Variants in CACNA1A observed in about 807,000 individuals in gnomAD.
The protein encoded by CACNA1A is voltage-dependent P/Q-type calcium channel subunit alpha-1A.
A neutral mutation model predicts 262.4 loss-of-function variants in CACNA1A; 57 were observed. The observed-to-expected ratio is 0.22, with a 90% CI of 0.18 to 0.27. The LOEUF (loss-of-function observed/expected upper bound fraction) is 0.27, where lower values mean the gene tolerates loss of function less well. Ranked by LOEUF, CACNA1A falls within the 10% of genes least tolerant of loss-of-function variation. The pLI, the probability that CACNA1A is intolerant of heterozygous loss-of-function variation, is 1.00. For synonymous variants in CACNA1A, 1,431 were observed against 1,419.3 expected (o/e 1.01, Z -0.18); for missense variants, 2,526 against 3,562.8 (o/e 0.71, Z 7.41).
At chr19:13,228,013 A>AAGC (rs2055530323) in intron 36 of CACNA1A, among the ~76,000 whole-genome samples, 1 of 148,092 alleles carries the variant, frequency 6.8e-6, no homozygotes, top group South Asian at 2.2e-4. Flanking sequence ...TCCTGGGCTC[A>AAGC]AGCAATCCTT....
chr19:13,234,704 C>A, intron 34 of CACNA1A: 1 of 548,238 alleles, frequency 1.8e-6, no homozygotes, highest in Non-Finnish European at 3.3e-6. Context: ...GAGGGCACGC[C>A]CCCTATCGGA....
intron 3 of CACNA1A, among the ~76,000 whole-genome samples, chr19:13,414,321 C>T (rs1330978425): frequency 6.6e-6 from 1 of 152,120 alleles, no homozygotes; most frequent in African/African-American, 2.4e-5. Context: ...TTGCTTGAGC[C>T]CAAGAAGTCG....
chr19:13,214,679 G>T lies in CACNA1A; in HGVS notation c.5732-71C>A. On this transcript the variant is annotated intron_variant, in intron 38 of 46. Coordinates refer to ENST00000360228, the MANE Select transcript of CACNA1A (RefSeq NM_001127222.2). This position sits in a 1 kb window ranked among gnomAD's most constrained non-coding sequence, Gnocchi z 4.1. The stretch of plus-strand genomic sequence containing the variant: ...AGCTGGACTCTGGGTCAGCTGCAAA[G>T]CCATAGGCTCCCGAGAACGAGACCC... 4 of 1,206,594 alleles carry T rather than the reference G, an allele frequency of 3.3e-6. No individual in the cohort carries two copies. The highest frequency in any genetic ancestry group is 1.5e-5 in the African/African-American group (1 of 66,718). The allele number at this position is 1,206,594 out of a possible 1,614,324, so 74.7% of individuals were successfully genotyped here.
chr19:13,502,425 T>C (rs964925494), intron 1 of CACNA1A, among the ~76,000 whole-genome samples: 1 of 152,174 alleles, frequency 6.6e-6, no homozygotes, highest in African/African-American at 2.4e-5. Context: ...AAAGATGACA[T>C]TCACCTTGGC....
intron 36 of CACNA1A, among the ~76,000 whole-genome samples, chr19:13,228,384 G>A (rs1326847791): frequency 6.6e-6 from 1 of 151,848 alleles, no homozygotes; most frequent in Non-Finnish European, 1.5e-5. Flanking sequence ...GAAATGCAAA[G>A]TTACAATCCC....
In CACNA1A at chr19:13,441,333, G is replaced by T. The variant is rs2144879773; in HGVS notation, c.539+11543C>A. ...TGCCTGCACAAGAAGCAGCTGGGTT[G>T]CAAAGCAATGTTTAAAAAAAATTAT... On this transcript the variant is annotated intron_variant, in intron 3 of 46. Transcript: ENST00000360228. Among the ~76,000 whole-genome samples the T allele has an allele frequency of 1.3e-5, 2 of 151,102 alleles. 1 individual carries two copies. The highest frequency in any genetic ancestry group is 1.3e-4 in the Admixed American group (2 of 15,178).
At chr19:13,295,173 G>A (rs898765578) in intron 19 of CACNA1A, among the ~76,000 whole-genome samples, 8 of 152,184 alleles carry the variant, frequency 5.3e-5, no homozygotes, top group Non-Finnish European at 1.2e-4. Context: ...TAGGCACTTA[G>A]TAAATACTAA....
At chr19:13,301,171 G>T (rs951382962) in intron 17 of CACNA1A, among the ~76,000 whole-genome samples, 4 of 151,260 alleles carry the variant, frequency 2.6e-5, no homozygotes, top group Non-Finnish European at 5.9e-5. Flanking sequence ...GCCCAGGCTG[G>T]TCTTGAACTT....
chr19:13,424,115 G>A (rs7256369), intron 3 of CACNA1A, among the ~76,000 whole-genome samples: 2,117 of 152,224 alleles, frequency 0.014, 49 homozygotes, highest in African/African-American at 0.049. Flanking sequence ...TTGGGAGGCC[G>A]AGGCTGGCAG....
chr19:13,346,743 G>A (rs1300207495), intron 6 of CACNA1A, among the ~76,000 whole-genome samples: 1 of 125,742 alleles, frequency 8.0e-6, no homozygotes, highest in Non-Finnish European at 1.6e-5. Flanking sequence ...GCAGTGGCAC[G>A]ATCTCGGCTA....
At chr19:13,294,154 G>T (rs1371120279) in intron 19 of CACNA1A, among the ~76,000 whole-genome samples, 1 of 144,698 alleles carries the variant, frequency 6.9e-6, no homozygotes, top group African/African-American at 2.6e-5. Flanking sequence ...TCTCTAAAAT[G>T]AGCAATGCTA....
intron 46 of CACNA1A, 79 bp downstream of exon 46, chr19:13,208,677 C>T: frequency 6.9e-7 from 1 of 1,447,914 alleles, no homozygotes; most frequent in South Asian, 1.4e-5. Flanking sequence ...CCTAGAGTGG[C>T]TGTTGGATGG....
At chr19:13,450,161 A>AAG (rs1568657145) in intron 3 of CACNA1A, among the ~76,000 whole-genome samples, 24 of 151,266 alleles carry the variant, frequency 1.6e-4, no homozygotes, top group African/African-American at 5.9e-4. Flanking sequence ...AAAAAAAAAA[A>AAG]AGAGAAAGGT....
At position 13,285,143 on chromosome 19, in the gene CACNA1A, T is replaced by A; in HGVS notation, c.3617A>T (p.Glu1206Val). ...KKEEEKKEEE[E>V]DDRGEDGPKP... The stretch of plus-strand genomic sequence containing the variant: ...AGGGCCGTCTTCCCCACGGTCGTCT[T>A]CCTCCTCCTCCTTCTTCTCTTCCTC... The change falls in exon 21 of 47, where the codon GAA becomes GTA. Residue 1206 changes from glutamate to valine, a missense_variant. By Grantham distance (121) the Glu-to-Val change is moderately radical. Around this residue, in one of 17 missense-constraint regions of CACNA1A, gnomAD observed 765 missense variants for 748.6 expected, o/e 1.02. Transcript: ENST00000360228. 6.2e-7 allele frequency: 1 copy of A among 1,613,786 alleles called. No homozygotes were observed. Among genetic ancestry groups the A allele is most frequent in the Non-Finnish European group, 8.5e-7 (1 of 1,179,758 alleles).
chr19:13,479,842 T>C (rs1443248132), intron 1 of CACNA1A, among the ~76,000 whole-genome samples: 2 of 152,162 alleles, frequency 1.3e-5, no homozygotes, highest in East Asian at 1.9e-4. Context: ...ACAGAAAAAG[T>C]AAAGCTAATA....
chr19:13,277,738 C>T (rs10422410), intron 22 of CACNA1A: 36,574 of 152,502 alleles, frequency 0.24, 4,644 homozygotes, highest in African/African-American at 0.29. Context: ...CCTCTGGTGT[C>T]ACCCAGGCCT....
chr19:13,208,186 A>AGAG (rs2054645242), intron 46 of CACNA1A, 133 bp from the exon 47 acceptor site: 1 of 64,558 alleles, frequency 1.5e-5, no homozygotes. Context: ...GAGGGGGAGG[A>AGAG]GGAGGAGGAG....
In CACNA1A at chr19:13,347,055, T is replaced by TG. The variant is rs1236682039; in HGVS notation, c.979-11147_979-11146insC. Among the ~76,000 whole-genome samples, 20 of 62,076 alleles carry TG rather than the reference T, an allele frequency of 3.2e-4. No homozygotes were observed. The East Asian group carries it at 0.1, about 310-fold the overall frequency. The allele number at this position is 62,076 out of a possible 152,430, so 40.7% of individuals were successfully genotyped here. ...TGATTTGTTCCTTCAGGTCTGTTTTTTTTGTTTTTTTGTTTTTTTTTTTTG... is the reference window on the plus strand; with the variant it reads ...TGATTTGTTCCTTCAGGTCTGTTTTTGTTTGTTTTTTTGTTTTTTTTTTTTG... On this transcript the variant is annotated intron_variant, in intron 6 of 46. Transcript: ENST00000360228.
intron 6 of CACNA1A, among the ~76,000 whole-genome samples, chr19:13,345,772 T>C (rs910872626): frequency 6.6e-6 from 1 of 152,156 alleles, no homozygotes; most frequent in Non-Finnish European, 1.5e-5. Flanking sequence ...TGTGTCCCAC[T>C]TTATACCCGT....
Sources: gnomAD v4.1 joint callset for allele counts (sites outside exome capture counted in the v4.1 genomes callset) on GRCh38, gnomAD v4.1.1 for gene constraint, gnomAD v4.1.1 regional missense constraint, Gnocchi (gnomAD v3.1) non-coding constraint, MANE v1.5 for transcripts, NCBI Gene and HGNC (gene_info 2026-07-23, HGNC 2026-07-21) for gene names.